Variants in TEX11 observed in about 807,000 individuals in gnomAD.
The protein encoded by TEX11 is testis-expressed protein 11.
Under a neutral mutation model 84.4 loss-of-function variants are expected in TEX11, and 7 were observed. That is an observed-to-expected ratio of 0.08 (90% CI 0.05 to 0.16). TEX11 has a LOEUF of 0.16. Ranked by LOEUF, TEX11 falls within the 10% of genes least tolerant of loss-of-function variation. The probability of loss-of-function intolerance (pLI) is 1.00; values close to 1 mark genes in which losing one functional copy is unlikely to be tolerated. For missense variants in TEX11, 551 were observed against 660.5 expected (o/e 0.83, Z 1.82); for synonymous variants, 264 against 222.8 (o/e 1.18, Z -1.64).
chrX:70,819,502 C>T (rs1340196078), intron 8 of TEX11, among the ~76,000 whole-genome samples: 1 of 111,084 alleles, frequency 9.0e-6, no homozygotes, highest in Non-Finnish European at 1.9e-5. Context: ...AAACTGAAAG[C>T]TTTTCCTCCA....
chrX:70,775,698 G>A (rs925158632), intron 9 of TEX11, among the ~76,000 whole-genome samples: 35 of 105,919 alleles, frequency 3.3e-4, no homozygotes, highest in Non-Finnish European at 5.6e-4. Context: ...TACTCAGGAG[G>A]CTGAGGCAGG....
intron 10 of TEX11, 55 bp downstream of exon 10, chrX:70,744,110 A>C: frequency 1.3e-6 from 1 of 788,441 alleles, no homozygotes; most frequent in Non-Finnish European, 1.7e-6. Context: ...TTTTATAACA[A>C]TAAAATAAAG....
intron 9 of TEX11, among the ~76,000 whole-genome samples, chrX:70,778,291 A>T (rs1458813447): frequency 3.6e-5 from 4 of 111,859 alleles, no homozygotes. Flanking sequence ...ATACAACAAT[A>T]GTAGGAGACT....
intron 25 of TEX11, among the ~76,000 whole-genome samples, chrX:70,556,537 G>A (rs1007632341): frequency 9.0e-6 from 1 of 111,078 alleles, no homozygotes; most frequent in Admixed American, 9.6e-5. Context: ...AGTTTGTTTC[G>A]TGGTTCAGAA....
chrX:70,861,616 G>A (rs1387206827), intron 4 of TEX11, among the ~76,000 whole-genome samples: 10 of 109,607 alleles, frequency 9.1e-5, no homozygotes, highest in African/African-American at 1.3e-4. Flanking sequence ...ACAGGCATGC[G>A]CCACCACGCC....
chrX:70,552,524 G>A (rs754727214), intron 27 of TEX11, among the ~76,000 whole-genome samples: 1 of 110,753 alleles, frequency 9.0e-6, no homozygotes, highest in Non-Finnish European at 1.9e-5. Flanking sequence ...TTTATGAGCT[G>A]GTTCAATTTA....
chrX:70,626,110 T>C (rs755150256), intron 18 of TEX11, among the ~76,000 whole-genome samples: 1 of 111,529 alleles, frequency 9.0e-6, no homozygotes, highest in African/African-American at 3.3e-5. Context: ...TCCTGGTTTC[T>C]GAAATTTTAC....
chrX:70,636,273 T>C (rs2089572069), intron 17 of TEX11, among the ~76,000 whole-genome samples: 1 of 110,683 alleles, frequency 9.0e-6, no homozygotes, highest in Non-Finnish European at 1.9e-5. Context: ...AGGCAGTCCT[T>C]GTGGCCCGAG....
intron 11 of TEX11, among the ~76,000 whole-genome samples, chrX:70,739,247 G>A (rs1383388636): frequency 1.8e-5 from 2 of 110,491 alleles, no homozygotes; most frequent in African/African-American, 3.3e-5. Context: ...TATAGTTCAA[G>A]TAAATGCTCT....
intron 7 of TEX11, among the ~76,000 whole-genome samples, chrX:70,835,607 C>CTTTG: frequency 1.8e-5 from 2 of 112,042 alleles, no homozygotes; most frequent in South Asian, 7.5e-4. Context: ...AGAATATGAG[C>CTTTG]TTTGCATTCC....
chrX:70,751,483 T>G, intron 9 of TEX11, among the ~76,000 whole-genome samples: 1 of 50,471 alleles, frequency 2.0e-5, no homozygotes, highest in African/African-American at 8.8e-5. Flanking sequence ...GGGCCTGTTG[T>G]GGGGTGGGGG....
At chrX:70,636,448 A>C (rs1198734381) in intron 17 of TEX11, among the ~76,000 whole-genome samples, 1 of 110,755 alleles carries the variant, frequency 9.0e-6, no homozygotes, top group East Asian at 2.9e-4. Context: ...CTGAGGCTCT[A>C]AAACCACCCC....
chrX:70,535,795 C>T (rs1359487256), intron 28 of TEX11, among the ~76,000 whole-genome samples: 1 of 107,009 alleles, frequency 9.3e-6, no homozygotes, highest in East Asian at 2.9e-4. Context: ...TTCATAGAGA[C>T]AGAGTGTCAC....
chrX:70,758,936 T>A (rs2090888900), intron 9 of TEX11, among the ~76,000 whole-genome samples: 1 of 111,483 alleles, frequency 9.0e-6, no homozygotes, highest in Non-Finnish European at 1.9e-5. Flanking sequence ...AAAGGGGACA[T>A]CACCACTGAT....
chrX:70,518,669 G>C, the TEX11 span, among the ~76,000 whole-genome samples: 1 of 111,302 alleles, frequency 9.0e-6, no homozygotes, highest in Admixed American at 9.6e-5. Flanking sequence ...TTCAAGTCCT[G>C]GATATCCTTG....
chrX:70,838,669 G>A, intron 7 of TEX11, among the ~76,000 whole-genome samples: 1 of 112,457 alleles, frequency 8.9e-6, no homozygotes. Flanking sequence ...CTGTGCGCAA[G>A]CCAAAGCAGG....
chrX:70,650,384 A>C (rs2089797108), intron 17 of TEX11, among the ~76,000 whole-genome samples: 1 of 111,926 alleles, frequency 8.9e-6, no homozygotes, highest in African/African-American at 3.2e-5. Flanking sequence ...AAGTAAAATA[A>C]TTTTTAAAAA....
At chrX:70,587,583 T>A (rs1377188318) in intron 25 of TEX11, among the ~76,000 whole-genome samples, 1 of 112,395 alleles carries the variant, frequency 8.9e-6, no homozygotes, top group African/African-American at 3.2e-5. Context: ...TGGAAACAAA[T>A]GGGTGTCCGT....
intron 24 of TEX11, among the ~76,000 whole-genome samples, chrX:70,593,152 G>A (rs767599801): frequency 2.7e-5 from 3 of 110,170 alleles, no homozygotes; most frequent in Non-Finnish European, 5.7e-5. Flanking sequence ...ACAGCTGGAT[G>A]TGCTACCAAT....
Sources: allele counts gnomAD v4.1 joint callset (sites outside exome capture counted in the v4.1 genomes callset), GRCh38; gene constraint gnomAD v4.1.1; transcripts MANE v1.5; gene names NCBI Gene and HGNC (gene_info 2026-07-23, HGNC 2026-07-21).